The following GALNT13 variants were observed in gnomAD, a reference collection of about 807,000 sequenced individuals.
GALNT13 encodes UDP-GalNAc:polypeptide N-acetylgalactosaminyltransferase 13.
A neutral mutation model predicts 64.2 loss-of-function variants in GALNT13; 28 were observed. That is an observed-to-expected ratio of 0.44 (90% CI 0.32 to 0.60). The LOEUF is 0.60. GALNT13 is among the 20% of genes least tolerant of loss of function. The pLI, the probability that GALNT13 is intolerant of heterozygous loss-of-function variation, is 0.05. For missense variants in GALNT13, 577 were observed against 669.8 expected, an observed-to-expected ratio of 0.86 and a Z score of 1.53; for synonymous variants, 214 against 224.6, an observed-to-expected ratio of 0.95 and a Z score of 0.42.
chr2:153,678,407 G>T, the GALNT13 span, among the ~76,000 whole-genome samples: 1 of 151,930 alleles, frequency 6.6e-6, no homozygotes, highest in African/African-American at 2.4e-5. Flanking sequence ...GGCCATTATT[G>T]TAAGTGAATT....
At chr2:154,403,853 T>G (rs1202400100) in intron 10 of GALNT13, among the ~76,000 whole-genome samples, 1 of 152,176 alleles carries the variant, frequency 6.6e-6, no homozygotes, top group African/African-American at 2.4e-5. Flanking sequence ...TGTCTGGAAG[T>G]CAGGACTGGC....
At chr2:153,789,949 C>G in the GALNT13 span, among the ~76,000 whole-genome samples, 2 of 152,150 alleles carry the variant, frequency 1.3e-5, no homozygotes, top group East Asian at 3.9e-4. Context: ...AATAGTCTGC[C>G]AAGCAACAAA....
chr2:154,314,615 G>T (rs1694230856), intron 9 of GALNT13, among the ~76,000 whole-genome samples: 1 of 152,152 alleles, frequency 6.6e-6, no homozygotes, highest in African/African-American at 2.4e-5. Context: ...AGGTAAAGGG[G>T]AGCCAGCATG....
intron 8 of GALNT13, among the ~76,000 whole-genome samples, chr2:154,266,333 A>G (rs941510532): frequency 1.3e-5 from 2 of 152,140 alleles, no homozygotes; most frequent in East Asian, 3.9e-4. Context: ...AATTAAGACT[A>G]TAATTCCAGA....
At chr2:153,140,917 T>G in the GALNT13 span, among the ~76,000 whole-genome samples, 6 of 151,986 alleles carry the variant, frequency 3.9e-5, no homozygotes, top group Admixed American at 3.9e-4. Flanking sequence ...ATTCAACACC[T>G]TTCAGTATTT....
intron 9 of GALNT13, among the ~76,000 whole-genome samples, chr2:154,320,333 A>G (rs1694556078): frequency 6.6e-6 from 1 of 152,174 alleles, no homozygotes; most frequent in Non-Finnish European, 1.5e-5. Flanking sequence ...AAGACATTAC[A>G]TTTACTAAGT....
At chr2:153,869,369 C>G (rs771743615), upstream of GALNT13, among the ~76,000 whole-genome samples, 3 of 152,144 alleles carry the variant, frequency 2.0e-5, no homozygotes, top group Admixed American at 6.5e-5. Context: ...CTGGATTACA[C>G]ATTGCATTTA....
At chr2:154,110,369 A>AGAGAGT (rs1702907573) in intron 3 of GALNT13, among the ~76,000 whole-genome samples, 1 of 106,976 alleles carries the variant, frequency 9.3e-6, no homozygotes, top group East Asian at 9.7e-4. Context: ...AGAGAGAGAG[A>AGAGAGT]GAGAGAGACA....
chr2:154,375,557 G>C (rs1457446329), intron 9 of GALNT13, among the ~76,000 whole-genome samples: 1 of 151,978 alleles, frequency 6.6e-6, no homozygotes, highest in Non-Finnish European at 1.5e-5. Flanking sequence ...CTGAAAAAGG[G>C]CAACAAGAAC....
the GALNT13 span, among the ~76,000 whole-genome samples, chr2:153,691,084 G>A: frequency 2.0e-5 from 3 of 151,980 alleles, no homozygotes; most frequent in Non-Finnish European, 2.9e-5. Context: ...CACTCCTTTG[G>A]TATATTTACA....
intron 7 of GALNT13, among the ~76,000 whole-genome samples, chr2:154,258,807 T>TAA (rs556875567): frequency 2.3e-4 from 32 of 136,856 alleles, no homozygotes; most frequent in African/African-American, 5.9e-4. Flanking sequence ...TGATCACCTG[T>TAA]AAAAAAAAAA....
chr2:153,468,097 C>T, the GALNT13 span, among the ~76,000 whole-genome samples: 1 of 151,814 alleles, frequency 6.6e-6, no homozygotes, highest in Non-Finnish European at 1.5e-5. Flanking sequence ...TCTAAGAAGA[C>T]AATGCTCTTG....
chr2:153,183,640 T>C, the GALNT13 span, among the ~76,000 whole-genome samples: 1 of 152,224 alleles, frequency 6.6e-6, no homozygotes, highest in African/African-American at 2.4e-5. Context: ...TTGGTTAATT[T>C]TTGCACATGG....
At chr2:154,042,706 A>ATG (rs1339581716) in intron 3 of GALNT13, among the ~76,000 whole-genome samples, 1 of 146,196 alleles carries the variant, frequency 6.8e-6, no homozygotes, top group African/African-American at 2.5e-5. Flanking sequence ...ATATATATAT[A>ATG]TATATATATA....
At chr2:154,135,019 A>G (rs955980163) in intron 3 of GALNT13, among the ~76,000 whole-genome samples, 3 of 152,192 alleles carry the variant, frequency 2.0e-5, no homozygotes, top group African/African-American at 7.2e-5. Context: ...GGCATGTACA[A>G]TAATGTTGAA....
intron 9 of GALNT13, among the ~76,000 whole-genome samples, chr2:154,337,616 ATT>A (rs1231550962): frequency 6.6e-6 from 1 of 152,202 alleles, no homozygotes; most frequent in Non-Finnish European, 1.5e-5. Context: ...TTAAATGTAC[ATT>A]TTGTTATAAA....
chr2:153,141,005 G>A, the GALNT13 span, among the ~76,000 whole-genome samples: 7 of 151,862 alleles, frequency 4.6e-5, no homozygotes, highest in Non-Finnish European at 7.4e-5. Flanking sequence ...ATACTCATAA[G>A]CAGTTGCTGT....
chr2:153,393,682 C>T, the GALNT13 span, among the ~76,000 whole-genome samples: 1 of 151,742 alleles, frequency 6.6e-6, no homozygotes, highest in African/African-American at 2.4e-5. Flanking sequence ...ACATTTAAGT[C>T]ACTAGATTTT....
chr2:153,649,423 A>C, the GALNT13 span, among the ~76,000 whole-genome samples: 2 of 151,456 alleles, frequency 1.3e-5, no homozygotes, highest in Middle Eastern at 3.4e-3. Context: ...CAGCTCCTGG[A>C]TTCATTAATT....
Sources: gnomAD v4.1 joint callset for allele counts (sites outside exome capture counted in the v4.1 genomes callset) on GRCh38, gnomAD v4.1.1 for gene constraint, MANE v1.5 for transcripts, NCBI Gene and HGNC (gene_info 2026-07-23, HGNC 2026-07-21) for gene names.